The following EGFL6 variants were observed in gnomAD, a reference collection of about 807,000 sequenced individuals.
EGFL6 encodes the protein epidermal growth factor-like protein 6.
In EGFL6, 42 loss-of-function variants were observed where a neutral mutation model predicts 43.1. That is an observed-to-expected ratio of 0.98 (90% CI 0.76 to 1.26). The LOEUF (loss-of-function observed/expected upper bound fraction) is 1.26, where lower values mean the gene tolerates loss of function less well. Among genes scored for constraint, EGFL6 ranks in the 50% most tolerant of loss-of-function variants. The pLI is 0.00. For missense variants in EGFL6, 429 were observed against 427.8 expected (o/e 1.00, Z -0.02); for synonymous variants, 164 against 163.2 (o/e 1.01, Z -0.04).
chrX:13,602,543 G>T (rs2045639374), intron 4 of EGFL6, among the ~76,000 whole-genome samples: 1 of 111,757 alleles, frequency 8.9e-6, no homozygotes, highest in Admixed American at 9.5e-5. Flanking sequence ...TTACAATATG[G>T]CTGCCCTAGC....
At chrX:13,599,426 C>T (rs1240636343) in intron 3 of EGFL6, among the ~76,000 whole-genome samples, 1 of 110,936 alleles carries the variant, frequency 9.0e-6, no homozygotes, top group Admixed American at 9.7e-5. Context: ...TATTTTTTAA[C>T]TGTATATAAA....
chrX:13,571,107 C>CCCCCGA (rs2045440137), intron 1 of EGFL6, among the ~76,000 whole-genome samples: 2 of 77,728 alleles, frequency 2.6e-5, no homozygotes, highest in Non-Finnish European at 4.9e-5. Flanking sequence ...CCCCACCCCA[C>CCCCCGA]CCCCCACCAC....
intron 11 of EGFL6, among the ~76,000 whole-genome samples, 191 bp downstream of exon 11, chrX:13,627,467 T>C (rs1205472517): frequency 8.9e-6 from 1 of 111,977 alleles, no homozygotes; most frequent in Non-Finnish European, 1.9e-5. Flanking sequence ...TGGATACTTA[T>C]CTGGCGTATG....
At chrX:13,605,832 A>G (rs1157797132) in intron 5 of EGFL6, among the ~76,000 whole-genome samples, 1 of 112,409 alleles carries the variant, frequency 8.9e-6, no homozygotes, top group Non-Finnish European at 1.9e-5. Flanking sequence ...CTGACCCACA[A>G]TTTATGCATA....
intron 2 of EGFL6, among the ~76,000 whole-genome samples, chrX:13,590,995 C>A (rs1419923447): frequency 1.8e-5 from 2 of 111,524 alleles, no homozygotes; most frequent in African/African-American, 6.5e-5. Context: ...GGCTCAATTT[C>A]CTCCTCTGCA....
At chrX:13,617,539 A>T (rs184305490) in intron 7 of EGFL6, among the ~76,000 whole-genome samples, 191 bp from the exon 8 acceptor site, 91 of 112,215 alleles carry the variant, frequency 8.1e-4, no homozygotes, top group Non-Finnish European at 1.6e-3. Flanking sequence ...TAAGATAACT[A>T]CCATAACAGT....
chrX:13,614,803 A>G (rs2045709982), intron 7 of EGFL6, among the ~76,000 whole-genome samples: 1 of 107,328 alleles, frequency 9.3e-6, no homozygotes, highest in South Asian at 4.2e-4. Context: ...GCTGGAGAGT[A>G]GTGGCATGAT....
intron 10 of EGFL6, 120 bp from the exon 11 acceptor site, chrX:13,626,891 A>G: frequency 1.3e-6 from 1 of 766,698 alleles, no homozygotes; most frequent in East Asian, 3.3e-5. Flanking sequence ...TCAAAATGAA[A>G]AGGACTTCAG....
intron 1 of EGFL6, among the ~76,000 whole-genome samples, chrX:13,574,204 G>A (rs2045458361): frequency 8.9e-6 from 1 of 112,251 alleles, no homozygotes; most frequent in African/African-American, 3.2e-5. Flanking sequence ...AACAGTCATT[G>A]GTTGAGGGCT....
At chrX:13,619,329 G>C (rs2045737336) in intron 9 of EGFL6, 86 bp downstream of exon 9, 2 of 827,014 alleles carry the variant, frequency 2.4e-6, no homozygotes, top group Non-Finnish European at 3.6e-6. Context: ...GATTGTTTAT[G>C]AATCCCTGCT....
In EGFL6 at chrX:13,569,910, G is replaced by C; in HGVS notation, c.49G>C (p.Ala17Pro). ...GCTCCCGCTGCTGCTCTCCTGGGTGGCAGGTGGTTTCGGGAACGCGGCCAG... is the reference window on the plus strand; with the variant it reads ...GCTCCCGCTGCTGCTCTCCTGGGTGCCAGGTGGTTTCGGGAACGCGGCCAG... ...LALPLLLSWV[A>P]GGFGNAASAR... The change falls in exon 1 of 12, where the codon GCA (alanine) becomes CCA (proline). Residue 17 changes from alanine (A) to proline (P), a missense_variant. By Grantham distance (27) the Ala-to-Pro change is conservative (BLOSUM62 -1). Transcript: ENST00000361306. The C allele has an allele frequency of 4.1e-6, 5 of 1,212,151 alleles. No individual in the cohort carries two copies. Among genetic ancestry groups the C allele is most frequent in the Non-Finnish European group, 5.6e-6 (5 of 895,460 alleles).
rs762421119 is a variant in EGFL6, at chrX:13,603,434, T to C, written c.518T>C (p.Leu173Pro). 4 of 1,202,269 alleles carry C rather than the reference T, an allele frequency of 3.3e-6. No individual in the cohort carries two copies. In the South Asian group the frequency reaches 7.3e-5, roughly 22 times the overall value. The part of the protein sequence containing the change: ...LRLAPNGRDC[L>P]DIDECASGKV... ...CTGGCCCCAAATGGAAGAGACTGTC[T>C]AGGTACAACAGCAGGAATCACCTCT... The change falls in exon 5 of 12, where the codon CTA becomes CCA. Residue 173 changes from leucine to proline, a missense_variant and splice_region_variant. Transcript: ENST00000361306.
chrX:13,596,781 G>A (rs1178701804), intron 3 of EGFL6, among the ~76,000 whole-genome samples: 2 of 112,065 alleles, frequency 1.8e-5, no homozygotes, highest in African/African-American at 6.5e-5. Context: ...GGTGCTACTG[G>A]TGTCTAATGG....
chrX:13,611,619 T>C (rs2045689504), intron 7 of EGFL6, among the ~76,000 whole-genome samples: 1 of 112,636 alleles, frequency 8.9e-6, no homozygotes, highest in Non-Finnish European at 1.9e-5. Flanking sequence ...GTTTGCAGCC[T>C]GTGTTTTCTA....
intron 1 of EGFL6, among the ~76,000 whole-genome samples, chrX:13,584,087 CT>C (rs776385490): frequency 1.2e-4 from 14 of 112,283 alleles, no homozygotes; most frequent in Non-Finnish European, 1.1e-4. Flanking sequence ...CACAAATACC[CT>C]TAAGGTAAAT....
chrX:13,599,265 A>G (rs1409338640), intron 3 of EGFL6, among the ~76,000 whole-genome samples: 2 of 111,665 alleles, frequency 1.8e-5, no homozygotes, highest in Non-Finnish European at 3.8e-5. Flanking sequence ...GTATGGCTCG[A>G]TGAATTTTTC....
rs780345954 is a variant in EGFL6 at position 13,589,631 on chromosome X, C to T, written c.150C>T (p.Cys50=). The change falls in exon 2 of 12, where the codon TGC becomes TGT. Residue 50 remains cysteine (C), a synonymous_variant. Transcript: ENST00000361306. The part of the protein sequence containing the change: ...VCHYGTKLAC[C]YGWRRNSKGV... ...ACTATGGAACTAAACTGGCCTGCTG[C>T]TACGGCTGGAGAAGAAACAGCAAGG... The T allele has an allele frequency of 2.5e-6, 3 of 1,210,954 alleles. No homozygotes were observed. Among genetic ancestry groups the T allele is most frequent in the Non-Finnish European group, 3.4e-6 (3 of 895,041 alleles).
chrX:13,579,808 C>G (rs145508197), intron 1 of EGFL6, among the ~76,000 whole-genome samples: 137 of 110,794 alleles, frequency 1.2e-3, no homozygotes, highest in Non-Finnish European at 1.8e-3. Flanking sequence ...GCTGGAGGAT[C>G]TGCTTCCAAG....
intron 7 of EGFL6, among the ~76,000 whole-genome samples, chrX:13,612,560 GT>G (rs1274460487): frequency 1.8e-5 from 2 of 111,285 alleles, no homozygotes; most frequent in African/African-American, 6.5e-5. Flanking sequence ...GAGCTGTTGG[GT>G]ACACCTCCCA....
Sources: gnomAD v4.1 joint callset for allele counts (sites outside exome capture counted in the v4.1 genomes callset) on GRCh38, gnomAD v4.1.1 for gene constraint, MANE v1.5 for transcripts, NCBI Gene and HGNC (gene_info 2026-07-23, HGNC 2026-07-21) for gene names.